The following RAPH1 variants were observed in gnomAD, a reference collection of about 807,000 sequenced individuals.
The protein encoded by RAPH1 is ras-associated and pleckstrin homology domains-containing protein 1.
A neutral mutation model predicts 88.1 loss-of-function variants in RAPH1; 18 were observed. The observed-to-expected ratio is 0.20, with a 90% CI of 0.14 to 0.30. RAPH1 has a LOEUF of 0.30. Ranked by LOEUF, RAPH1 falls within the 10% of genes least tolerant of loss-of-function variation. RAPH1 has a pLI of 1.00. For synonymous variants in RAPH1, 587 were observed against 559.0 expected (o/e 1.05, Z -0.71); for missense variants, 1,448 against 1,543.2 (o/e 0.94, Z 1.03).
Position 203,506,856 on chromosome 2 carries a change from CTATATATATATATATATATATATAGA to C in RAPH1, c.1-11529_1-11504del, listed in dbSNP as rs1285082875. 1.9e-4 allele frequency among the ~76,000 whole-genome samples: 6 copies of C among 30,782 alleles called. 2 individuals carry two copies. Among genetic ancestry groups the C allele is most frequent in the African/African-American group, 1.0e-3 (6 of 5,756 alleles). The allele number at this position is 30,782 out of a possible 152,430, so 20.2% of individuals were successfully genotyped here. A position where few individuals can be genotyped will look rare whatever the true frequency, so the allele number is the denominator to read the frequency against. On this transcript the variant is annotated intron_variant, in intron 1 of 13. Coordinates refer to ENST00000319170, the MANE Select transcript of RAPH1 (RefSeq NM_213589.3). ...TCTATATCTATATATCTATCTATAT[CTATATATATATATATATATATATAGA>C]TATATATATATATATATTTTTTTTT... is the stretch of plus-strand genomic sequence containing the variant.
chr2:203,469,885 A>G (rs2098531575), intron 4 of RAPH1, among the ~76,000 whole-genome samples: 1 of 152,266 alleles, frequency 6.6e-6, no homozygotes. Flanking sequence ...AGTTTGCTAA[A>G]GAAACCCAGA....
intron 1 of RAPH1, among the ~76,000 whole-genome samples, chr2:203,506,986 T>G (rs1341310000): frequency 6.8e-6 from 1 of 146,254 alleles, no homozygotes; most frequent in Non-Finnish European, 1.5e-5. Context: ...AACCTCCACC[T>G]CCCAGGTTCA....
In RAPH1 at chr2:203,440,957, G is replaced by C; in HGVS notation, c.2233C>G (p.Pro745Ala). The C allele has an allele frequency of 6.3e-7, 1 of 1,576,622 alleles. No homozygotes were observed. Among genetic ancestry groups the C allele is most frequent in the Non-Finnish European group, 8.6e-7 (1 of 1,163,594 alleles). Residue 745 changes from proline to alanine, a missense_variant, in exon 14 of 14, where the codon CCT (proline) becomes GCT (alanine). Coordinates refer to ENST00000319170, the MANE Select transcript of RAPH1 (RefSeq NM_213589.3). ...PSLPQFSAPP[P>A]PLKIHQVQHI... Reference sequence around the variant, plus strand: ...TGAACTTGATGGATCTTCAGTGGAGGAGGCGGGGCACTGAACTGTGGAAGG... The same window carrying C: ...TGAACTTGATGGATCTTCAGTGGAGCAGGCGGGGCACTGAACTGTGGAAGG...
intron 1 of RAPH1, among the ~76,000 whole-genome samples, chr2:203,524,848 A>C (rs1232705442): frequency 6.6e-6 from 1 of 152,226 alleles, no homozygotes; most frequent in Non-Finnish European, 1.5e-5. Flanking sequence ...TGTGCAGTTT[A>C]TTATATAGAA....
chr2:203,498,084 A>C (rs1688594462), intron 1 of RAPH1, among the ~76,000 whole-genome samples: 1 of 152,220 alleles, frequency 6.6e-6, no homozygotes, highest in African/African-American at 2.4e-5. Flanking sequence ...ACACATTGGA[A>C]TAACCCAGAA....
chr2:203,515,739 T>C (rs1454975175), intron 1 of RAPH1, among the ~76,000 whole-genome samples: 2 of 152,154 alleles, frequency 1.3e-5, no homozygotes, highest in African/African-American at 2.4e-5. Context: ...ATTTAAAGTG[T>C]TGAGAGAAAC....
At chr2:203,467,137 A>G (rs1049832425) in intron 4 of RAPH1, among the ~76,000 whole-genome samples, 7 of 152,224 alleles carry the variant, frequency 4.6e-5, no homozygotes, top group African/African-American at 1.7e-4. Context: ...CTTAGAATCA[A>G]AATAATTAAC....
chr2:203,505,450 G>C (rs922835285), intron 1 of RAPH1, among the ~76,000 whole-genome samples: 6 of 140,704 alleles, frequency 4.3e-5, no homozygotes, highest in South Asian at 2.4e-4. Flanking sequence ...TACCCCCCCC[G>C]GGTCCCTCCC....
chr2:203,461,506 G>A, intron 5 of RAPH1, 98 bp from the exon 6 acceptor site: 2 of 905,922 alleles, frequency 2.2e-6, no homozygotes, highest in South Asian at 2.6e-5. Flanking sequence ...TAATGTATTT[G>A]TATATAAATT....
rs78102877 is a variant in RAPH1 at position 203,525,193 on chromosome 2, T to A, written c.-1+9918A>T. ...AATCTGGTATATTAACATCTTCTTT[T>A]TTGTTTTTTTGAGACGGAGTCTCGC... On this transcript the variant is annotated intron_variant, in intron 1 of 13. Transcript: ENST00000319170. Among the ~76,000 whole-genome samples the A allele has an allele frequency of 3.4e-3, 520 of 152,340 alleles. 3 individuals are homozygous for A. The highest frequency in any genetic ancestry group is 0.012 in the African/African-American group (495 of 41,582).
chr2:203,520,331 C>CA (rs33931481), intron 1 of RAPH1, among the ~76,000 whole-genome samples: 82,044 of 143,936 alleles, frequency 0.57, 23,196 homozygotes, highest in Middle Eastern at 0.75. Context: ...GCCCCTGCCT[C>CA]AAAAAAAAAA....
Position 203,440,147 on chromosome 2 carries a change from T to C in RAPH1, c.3043A>G (p.Lys1015Glu), listed in dbSNP as rs2098502112. ...TPPAESGSPS[K>E]ETLPPPAAPP... is the part of the protein sequence containing the mutation. ...GCTGCAGGAGGTGGTAGGGTCTCCT[T>C]GCTGGGAGACCCTGATTCTGCTGGC... The change falls in exon 14 of 14, where the codon AAG becomes GAG. Residue 1015 changes from lysine to glutamate, a missense_variant. This residue lies in a region of RAPH1 where 935 missense variants were observed against 890.1 expected (regional missense o/e 1.05). Transcript: ENST00000319170. 1 of 1,613,226 alleles carries C rather than the reference T, an allele frequency of 6.2e-7. No individual in the cohort carries two copies. Among genetic ancestry groups the C allele is most frequent in the African/African-American group, 1.3e-5 (1 of 74,872 alleles).
intron 10 of RAPH1, among the ~76,000 whole-genome samples, chr2:203,451,431 G>A (rs2098514835): frequency 6.6e-6 from 1 of 152,146 alleles, no homozygotes; most frequent in African/African-American, 2.4e-5. Context: ...ATCCCAGAGT[G>A]CATGCTTTTA....
chr2:203,534,593 G>A (rs563162158), intron 1 of RAPH1, among the ~76,000 whole-genome samples: 126 of 137,308 alleles, frequency 9.2e-4, no homozygotes, highest in Middle Eastern at 4.8e-3. Flanking sequence ...CGGTTAAAAA[G>A]CAATGAAGCA....
At chr2:203,493,355 CTTTTCTCT>C in intron 2 of RAPH1, among the ~76,000 whole-genome samples, 1 of 152,106 alleles carries the variant, frequency 6.6e-6, no homozygotes. Flanking sequence ...ATCTACCTGC[CTTTTCTCT>C]TTTGGGCCCC....
At position 203,454,502 on chromosome 2, in the gene RAPH1, A is replaced by G. The variant is rs572575945; in HGVS notation, c.1341T>C (p.His447=). Residue 447 remains histidine, a synonymous_variant, in exon 10 of 14, where the codon CAT becomes CAC. Coordinates refer to ENST00000319170, the MANE Select transcript of RAPH1 (RefSeq NM_213589.3). Reference sequence around the variant, plus strand: ...AGTCCTGGCCATAATAAACGTTGACATGATCCAGCTGGAGAAAGCACACCA... The same window carrying G: ...AGTCCTGGCCATAATAAACGTTGACGTGATCCAGCTGGAGAAAGCACACCA... ...RDLVCFLQLD[H]VNVYYGQDYR... 5.0e-6 allele frequency: 8 copies of G among 1,613,840 alleles called. No homozygotes were observed. The highest frequency in any genetic ancestry group is 3.3e-4 in the Middle Eastern group (2 of 6,062).
intron 1 of RAPH1, among the ~76,000 whole-genome samples, chr2:203,500,472 T>C (rs1452768894): frequency 6.6e-6 from 1 of 152,168 alleles, no homozygotes. Context: ...CCAAAAACTT[T>C]GGACTTTATC....
chr2:203,479,920 A>G (rs1687645343), intron 4 of RAPH1, among the ~76,000 whole-genome samples: 1 of 152,230 alleles, frequency 6.6e-6, no homozygotes, highest in South Asian at 2.1e-4. Context: ...ACTCTTTATC[A>G]CTACGTTCAT....
intron 10 of RAPH1, among the ~76,000 whole-genome samples, chr2:203,450,010 G>C (rs1363883529): frequency 7.0e-6 from 1 of 143,248 alleles, no homozygotes; most frequent in Non-Finnish European, 1.5e-5. Context: ...GTAACAGAGC[G>C]AGACTTCGTC....
Sources: gnomAD v4.1 joint callset for allele counts (sites outside exome capture counted in the v4.1 genomes callset) on GRCh38, gnomAD v4.1.1 for gene constraint, gnomAD v4.1.1 regional missense constraint, MANE v1.5 for transcripts, NCBI Gene and HGNC (gene_info 2026-07-23, HGNC 2026-07-21) for gene names.